CCDC33: variants seen among roughly 807,000 people sequenced by gnomAD.
CCDC33 encodes the protein coiled-coil domain containing 33.
Under a neutral mutation model 91.9 loss-of-function variants are expected in CCDC33, and 94 were observed. The observed-to-expected ratio is 1.02, with a 90% confidence interval of 0.87 to 1.21. CCDC33 has a LOEUF of 1.21. Among genes scored for constraint, CCDC33 ranks in the 50% most tolerant of loss-of-function variants. The pLI is 0.00. For synonymous variants in CCDC33, 396 were observed against 374.5 expected, an observed-to-expected ratio of 1.06 and a Z score of -0.66; for missense variants, 940 against 935.5, an observed-to-expected ratio of 1.00 and a Z score of -0.06.
chr15:74,236,400 A>C lies in CCDC33; in HGVS notation c.-320A>C. On this transcript the variant is annotated 5_prime_UTR_variant, in exon 1 of 19. Coordinates refer to ENST00000398814, the MANE Select transcript of CCDC33 (RefSeq NM_025055.5). ...CACCGTCCTAGGTGTGCCAAGAGTC[A>C]ATTGCCTCATTGCTGACCCTGTCCA... The C allele has an allele frequency of 2.7e-6, 1 of 364,044 alleles. No individual in the cohort carries two copies. The allele number at this position is 364,044 out of a possible 1,614,324, so 22.6% of individuals were successfully genotyped here. A position where few individuals can be genotyped will look rare whatever the true frequency, so the allele number is the denominator to read the frequency against.
chr15:74,278,370 T>G (rs1405364850), intron 7 of CCDC33, among the ~76,000 whole-genome samples: 1 of 152,260 alleles, frequency 6.6e-6, no homozygotes, highest in East Asian at 1.9e-4. Flanking sequence ...CAATGACTGA[T>G]TCCTGTGGGG....
chr15:74,268,499 GA>G, intron 5 of CCDC33, 41 bp downstream of exon 5: 1 of 1,236,366 alleles, frequency 8.1e-7, no homozygotes. Flanking sequence ...GTGGGGGTGG[GA>G]AAGGGCCAAG....
intron 2 of CCDC33, among the ~76,000 whole-genome samples, chr15:74,222,500 A>C (rs1595884435): frequency 1.4e-5 from 2 of 144,246 alleles, no homozygotes; most frequent in Admixed American, 1.4e-4. Context: ...TTTAAATGAC[A>C]CTTTCAAGGT....
intron 11 of CCDC33, among the ~76,000 whole-genome samples, chr15:74,322,108 C>T (rs1425081036): frequency 6.6e-6 from 1 of 152,148 alleles, no homozygotes; most frequent in Non-Finnish European, 1.5e-5. Context: ...CCATGAGGGC[C>T]AGTGGGAGTC....
chr15:74,211,142 C>G (rs182343625), intron 2 of CCDC33, among the ~76,000 whole-genome samples: 1 of 52,780 alleles, frequency 1.9e-5, no homozygotes, highest in Non-Finnish European at 4.2e-5. Context: ...CCCACCACTA[C>G]GCACGCACAC....
chr15:74,235,607 C>A (rs1272680869), upstream of CCDC33, among the ~76,000 whole-genome samples: 1 of 152,150 alleles, frequency 6.6e-6, no homozygotes, highest in Non-Finnish European at 1.5e-5. Flanking sequence ...AGCAACCCCC[C>A]ACCCCAGGCC....
intron 18 of CCDC33, 70 bp from the exon 19 acceptor site, chr15:74,335,855 C>A: frequency 8.4e-7 from 1 of 1,197,536 alleles, no homozygotes; most frequent in Non-Finnish European, 1.2e-6. Flanking sequence ...GTTTGTCAGG[C>A]AATATGCCCT....
At chr15:74,293,546 G>A (rs191537644) in intron 10 of CCDC33, among the ~76,000 whole-genome samples, 9 of 152,284 alleles carry the variant, frequency 5.9e-5, no homozygotes, top group African/African-American at 2.2e-4. Flanking sequence ...CACATGGCCA[G>A]AAAACCCTAA....
chr15:74,215,827 C>T (rs190743725), upstream of CCDC33, among the ~76,000 whole-genome samples: 1,082 of 148,400 alleles, frequency 7.3e-3, 16 homozygotes, highest in African/African-American at 0.026. Flanking sequence ...GCCGAGATCT[C>T]GCCACTGCAC....
intron 2 of CCDC33, among the ~76,000 whole-genome samples, chr15:74,228,817 C>T (rs1039474372): frequency 2.6e-5 from 4 of 152,368 alleles, no homozygotes; most frequent in Admixed American, 6.5e-5. Flanking sequence ...GCCAGCTCCA[C>T]GCTGCATTAA....
intron 6 of CCDC33, 25 bp downstream of exon 6, chr15:74,271,819 G>C (rs2076325592): frequency 6.3e-7 from 1 of 1,595,698 alleles, no homozygotes; most frequent in South Asian, 1.1e-5. Flanking sequence ...GGTGGACCTG[G>C]GTGAGGAGGG....
In CCDC33 at chr15:74,218,733, A is replaced by T. The variant is rs1454434260; in HGVS notation, c.547A>T (p.Ser183Cys). The change falls in exon 2 of 3, where the codon AGC becomes TGC. Residue 183 changes from serine (S) to cysteine (C), a missense_variant. Ser to Cys is a moderately radical substitution (Grantham distance 112). Transcript: ENST00000635913. The surrounding 1 kb of genome is among the most constrained non-coding windows in gnomAD (Gnocchi z 4.8). ...GGACCCCACAGCCCGACACTGTGGG[A>T]GCCTGGCCTACAGTGTGGCCTTCCA... 1.6e-6 allele frequency: 2 copies of T among 1,289,764 alleles called. No homozygotes were observed. Among genetic ancestry groups the T allele is most frequent in the Non-Finnish European group, 2.0e-6 (2 of 988,860 alleles). The allele number at this position is 1,289,764 out of a possible 1,614,324, so 79.9% of individuals were successfully genotyped here.
chr15:74,322,855 C>T (rs1224914723), intron 11 of CCDC33, among the ~76,000 whole-genome samples: 1 of 152,124 alleles, frequency 6.6e-6, no homozygotes, highest in Non-Finnish European at 1.5e-5. Flanking sequence ...ATTGGGTGGC[C>T]GCCCAAGGAA....
At chr15:74,320,997 T>C (rs1281073301) in intron 11 of CCDC33, among the ~76,000 whole-genome samples, 5 of 152,148 alleles carry the variant, frequency 3.3e-5, no homozygotes, top group African/African-American at 1.2e-4. Flanking sequence ...CATTGGCCCG[T>C]GTGTTTCTGG....
intron 2 of CCDC33, among the ~76,000 whole-genome samples, chr15:74,224,647 G>A (rs2074729576): frequency 6.6e-6 from 1 of 152,196 alleles, no homozygotes; most frequent in Admixed American, 6.5e-5. Context: ...ACCTGGTGCA[G>A]GTTATATAAC....
intron 7 of CCDC33, among the ~76,000 whole-genome samples, chr15:74,278,181 C>T (rs1038628249): frequency 1.3e-5 from 2 of 152,250 alleles, no homozygotes; most frequent in Non-Finnish European, 2.9e-5. Context: ...TGCAACCCAT[C>T]TCCCCAGGGG....
chr15:74,238,617 G>A (rs537177991), intron 1 of CCDC33, among the ~76,000 whole-genome samples: 15 of 152,088 alleles, frequency 9.9e-5, no homozygotes, highest in African/African-American at 3.6e-4. Context: ...GGGCATTTTG[G>A]ACCATTATAG....
At position 74,244,028 on chromosome 15, in the gene CCDC33, C is replaced by T. The variant is rs775127307; in HGVS notation, c.65C>T (p.Thr22Met). ...PEEPLIASQS[T>M]EPEIGHLSPS... ...GAGCCCCTGATCGCCTCCCAGAGCA[C>T]GGAACCTGAGATCGGTCACCTGTCT... Residue 22 changes from threonine to methionine, a missense_variant, in exon 2 of 19, where the codon ACG becomes ATG. Physicochemically the swap from Thr to Met is moderately conservative, Grantham distance 81 (BLOSUM62 -1). Transcript: ENST00000398814. This position sits in a 1 kb window ranked among gnomAD's most constrained non-coding sequence, Gnocchi z 4.2. The T allele has an allele frequency of 1.1e-5, 18 of 1,612,532 alleles. No individual in the cohort carries two copies. The highest frequency in any genetic ancestry group is 1.0e-4 in the Admixed American group (6 of 59,906).
At chr15:74,260,742 T>C (rs1010248430) in intron 2 of CCDC33, among the ~76,000 whole-genome samples, 2 of 152,106 alleles carry the variant, frequency 1.3e-5, no homozygotes, top group African/African-American at 2.4e-5. Context: ...ACATTCCCAA[T>C]TGTAGACCCA....
Sources: allele counts gnomAD v4.1 joint callset (sites outside exome capture counted in the v4.1 genomes callset), GRCh38; gene constraint gnomAD v4.1.1; non-coding constraint Gnocchi (gnomAD v3.1); transcripts MANE v1.5; gene names NCBI Gene and HGNC (gene_info 2026-07-23, HGNC 2026-07-21).